Variants in DLG2 observed in about 807,000 individuals in gnomAD.
DLG2 encodes discs large MAGUK scaffold protein 2, also known as disks large homolog 2.
DLG2 carries 45 observed loss-of-function variants against 132.5 expected under a neutral mutation model. That is an observed-to-expected ratio of 0.34 (90% CI 0.27 to 0.44). DLG2 has a LOEUF of 0.44. DLG2 is among the 20% of genes least tolerant of loss of function. The pLI, the probability that DLG2 is intolerant of heterozygous loss-of-function variation, is 1.00. For missense variants in DLG2, 1,045 were observed against 1,196.9 expected (o/e 0.87, Z 1.87); for synonymous variants, 424 against 419.6 (o/e 1.01, Z -0.13).
chr11:84,310,951 G>A (rs1051840997), intron 7 of DLG2, among the ~76,000 whole-genome samples: 1 of 152,196 alleles, frequency 6.6e-6, no homozygotes, highest in East Asian at 1.9e-4. Context: ...GAACACAGTT[G>A]TTCTTGCAGA....
intron 17 of DLG2, among the ~76,000 whole-genome samples, chr11:83,805,210 C>G (rs904356381): frequency 2.6e-5 from 4 of 152,074 alleles, no homozygotes; most frequent in African/African-American, 9.7e-5. Context: ...TTCCAGTCAA[C>G]TTTAACCCCT....
intron 7 of DLG2, among the ~76,000 whole-genome samples, chr11:84,489,502 C>G (rs1219608090): frequency 6.6e-6 from 1 of 152,118 alleles, no homozygotes; most frequent in Non-Finnish European, 1.5e-5. Flanking sequence ...TCTCCATAGT[C>G]TACAAAGTAA....
At chr11:84,818,266 G>C (rs2153979859) in intron 6 of DLG2, among the ~76,000 whole-genome samples, 1 of 152,074 alleles carries the variant, frequency 6.6e-6, no homozygotes, top group Admixed American at 6.6e-5. Context: ...TTCTTCCTAT[G>C]CCTAGCACAG....
chr11:84,737,672 G>A (rs2064035254), intron 6 of DLG2, among the ~76,000 whole-genome samples: 1 of 151,970 alleles, frequency 6.6e-6, no homozygotes, highest in South Asian at 2.1e-4. Flanking sequence ...TATTGTCAGT[G>A]GGCAGAACAC....
intron 19 of DLG2, among the ~76,000 whole-genome samples, chr11:83,598,221 T>G (rs962345728): frequency 1.1e-4 from 16 of 152,364 alleles, no homozygotes; most frequent in African/African-American, 3.8e-4. Flanking sequence ...CTGGAATACT[T>G]TTCTCAGCTC....
chr11:84,885,415 G>A (rs2088093838), intron 6 of DLG2, among the ~76,000 whole-genome samples: 1 of 151,968 alleles, frequency 6.6e-6, no homozygotes, highest in Non-Finnish European at 1.5e-5. Context: ...GCTTATTGCG[G>A]CCTCAAACTC....
chr11:85,528,771 T>C (rs533887175), intron 3 of DLG2, among the ~76,000 whole-genome samples: 3 of 152,318 alleles, frequency 2.0e-5, no homozygotes, highest in East Asian at 3.9e-4. Flanking sequence ...TATAGTTGTC[T>C]TGAAATTCTT....
intron 7 of DLG2, among the ~76,000 whole-genome samples, chr11:84,409,084 C>T (rs2098880782): frequency 2.0e-5 from 3 of 152,228 alleles, no homozygotes; most frequent in Admixed American, 6.5e-5. Context: ...CTCTTCCTTT[C>T]CTTGCACATT....
chr11:85,153,897 T>C (rs1006043990), intron 5 of DLG2, among the ~76,000 whole-genome samples: 13 of 152,140 alleles, frequency 8.5e-5, no homozygotes, highest in Admixed American at 8.5e-4. Flanking sequence ...TTAAGCAGCA[T>C]AAGCTAGCAA....
chr11:84,742,236 T>C (rs1341290260), intron 6 of DLG2, among the ~76,000 whole-genome samples: 1 of 152,112 alleles, frequency 6.6e-6, no homozygotes, highest in African/African-American at 2.4e-5. Context: ...TTCAATAAAA[T>C]AATAGCTGAA....
downstream of DLG2, chr11:83,455,050 T>C (rs2088711869): frequency 6.6e-6 from 1 of 152,664 alleles, no homozygotes; most frequent in African/African-American, 2.4e-5. Context: ...ATTTATATCT[T>C]ATAATAAAAC....
intron 4 of DLG2, among the ~76,000 whole-genome samples, chr11:85,180,958 T>C (rs1408185286): frequency 1.3e-5 from 2 of 151,858 alleles, no homozygotes; most frequent in Admixed American, 6.6e-5. Context: ...CCAAAATCCA[T>C]TCTGTTTCTG....
intron 3 of DLG2, among the ~76,000 whole-genome samples, chr11:85,546,532 C>T (rs1390686438): frequency 2.0e-5 from 3 of 152,012 alleles, no homozygotes; most frequent in Admixed American, 6.6e-5. Flanking sequence ...GCTGAGTTCA[C>T]GTCCTGGATA....
At chr11:84,154,165 T>C (rs1410079161) in intron 9 of DLG2, among the ~76,000 whole-genome samples, 1 of 152,146 alleles carries the variant, frequency 6.6e-6, no homozygotes, top group African/African-American at 2.4e-5. Context: ...GCCCAGCTAA[T>C]TTTTGTATTT....
intron 19 of DLG2, among the ~76,000 whole-genome samples, chr11:83,572,830 G>A (rs1000067436): frequency 2.0e-5 from 3 of 152,038 alleles, no homozygotes; most frequent in East Asian, 3.9e-4. Context: ...TCCTTAATTC[G>A]TTACAGAGAA....
chr11:84,674,202 G>A (rs2099708964), intron 6 of DLG2, among the ~76,000 whole-genome samples: 1 of 152,078 alleles, frequency 6.6e-6, no homozygotes, highest in African/African-American at 2.4e-5. Flanking sequence ...TGTTGCTACT[G>A]TATTCAACAG....
chr11:83,467,927 G>C (rs1419130145), intron 25 of DLG2, among the ~76,000 whole-genome samples: 2 of 150,278 alleles, frequency 1.3e-5, no homozygotes, highest in Non-Finnish European at 3.0e-5. Context: ...TTTCTTGTTT[G>C]TTAACAAATA....
intron 6 of DLG2, among the ~76,000 whole-genome samples, chr11:85,053,775 C>T (rs569748182): frequency 1.0e-4 from 12 of 118,138 alleles, no homozygotes; most frequent in South Asian, 8.2e-4. Flanking sequence ...CCAGCCTGGG[C>T]GACAGAGCAA....
intron 3 of DLG2, among the ~76,000 whole-genome samples, chr11:85,322,019 T>C (rs1479922529): frequency 1.3e-5 from 2 of 152,136 alleles, no homozygotes; most frequent in Non-Finnish European, 2.9e-5. Context: ...CCCTATTTCC[T>C]ATTACATTTT....
Sources: gnomAD v4.1 joint callset for allele counts (sites outside exome capture counted in the v4.1 genomes callset) on GRCh38, gnomAD v4.1.1 for gene constraint, MANE v1.5 for transcripts, NCBI Gene and HGNC (gene_info 2026-07-23, HGNC 2026-07-21) for gene names.